Variants in CEP41 observed in about 807,000 individuals in gnomAD.
CEP41 encodes the protein centrosomal protein 41, also known as centrosomal protein of 41 kDa.
Under a neutral mutation model 44.3 loss-of-function variants are expected in CEP41, and 32 were observed. The observed-to-expected ratio is 0.72, with a 90% CI of 0.54 to 0.97. The LOEUF (loss-of-function observed/expected upper bound fraction) is 0.97. CEP41 is among the 50% of genes least tolerant of loss of function. CEP41 has a pLI of 0.00. For synonymous variants in CEP41, 151 were observed against 168.5 expected, an observed-to-expected ratio of 0.90 and a Z score of 0.80; for missense variants, 432 against 455.2, an observed-to-expected ratio of 0.95 and a Z score of 0.46.
upstream of CEP41, chr7:130,441,119 T>G: frequency 2.5e-6 from 2 of 806,692 alleles, no homozygotes; most frequent in Non-Finnish European, 4.2e-6. Flanking sequence ...CCCCGTTTAC[T>G]CTCTCATCTC....
chr7:130,414,023 T>C (rs568019016), intron 3 of CEP41, among the ~76,000 whole-genome samples: 13 of 152,352 alleles, frequency 8.5e-5, no homozygotes, highest in African/African-American at 3.1e-4. Context: ...TTAAGATTAT[T>C]TACCTGGTGT....
rs1554413500 is a variant in CEP41 at position 130,394,105 on chromosome 7, G to T, written c.*4786C>A. 1 of 454,110 alleles carries T rather than the reference G, an allele frequency of 2.2e-6. No homozygotes were observed. Among genetic ancestry groups the T allele is most frequent in the Non-Finnish European group, 4.4e-6 (1 of 226,794 alleles). 28.1% of individuals were successfully genotyped at this position (454,110 alleles called of 1,614,324 possible). On this transcript the variant is annotated 3_prime_UTR_variant, in exon 11 of 11. Coordinates refer to ENST00000223208, the MANE Select transcript of CEP41 (RefSeq NM_018718.3). Reference sequence around the variant, plus strand: ...AGGGAAGGGAAGCCAATAGCGAAGGGAAAGGTACATTTTCACGGTAAGTTA... The same window carrying T: ...AGGGAAGGGAAGCCAATAGCGAAGGTAAAGGTACATTTTCACGGTAAGTTA...
At chr7:130,439,941 T>G (rs1212691534) in intron 1 of CEP41, among the ~76,000 whole-genome samples, 1 of 152,204 alleles carries the variant, frequency 6.6e-6, no homozygotes, top group Non-Finnish European at 1.5e-5. Context: ...CTACCTATTT[T>G]CTCGTAACAT....
At chr7:130,401,522 C>T (rs142559392) in intron 8 of CEP41, among the ~76,000 whole-genome samples, 138 of 151,952 alleles carry the variant, frequency 9.1e-4, no homozygotes, top group African/African-American at 3.2e-3. Context: ...TTATTTTCTG[C>T]TTGTATAATT....
In CEP41 at chr7:130,440,911, TCCGGCCGAGACCTGGCCCTC is replaced by T; in HGVS notation, c.33+3_33+22del. The stretch of plus-strand genomic sequence containing the variant: ...CCGGTGCGCCCGCCCCCTCCGGCTC[TCCGGCCGAGACCTGGCCCTC>T]ACCTCAGGGTTCCCAATGTGCCTCC... On this transcript the variant is annotated splice_donor_5th_base_variant and intron_variant, in intron 1 of 10. Coordinates refer to ENST00000223208, the MANE Select transcript of CEP41 (RefSeq NM_018718.3). 1.9e-6 allele frequency: 3 copies of T among 1,610,330 alleles called. No homozygotes were observed. The highest frequency in any genetic ancestry group is 2.5e-6 in the Non-Finnish European group (3 of 1,179,898).
chr7:130,413,461 A>T (rs1488941408), intron 3 of CEP41, among the ~76,000 whole-genome samples: 1 of 152,034 alleles, frequency 6.6e-6, no homozygotes, highest in Non-Finnish European at 1.5e-5. Flanking sequence ...CACACCTGTA[A>T]TCCCAACTAC....
At chr7:130,423,210 AG>A (rs782085133) in intron 2 of CEP41, among the ~76,000 whole-genome samples, 99 of 152,328 alleles carry the variant, frequency 6.5e-4, no homozygotes, top group Middle Eastern at 3.4e-3. Context: ...GGCCTCCCAA[AG>A]TGCTGGGATT....
intron 6 of CEP41, 110 bp from the exon 7 acceptor site, chr7:130,402,909 C>A: frequency 8.6e-7 from 1 of 1,159,636 alleles, no homozygotes. Context: ...TTTCAAAGGA[C>A]GCTTCAAAGG....
chr7:130,425,995 G>A lies in CEP41; in HGVS notation c.97+1960C>T, dbSNP rs782176465. On this transcript the variant is annotated intron_variant, in intron 2 of 10. Transcript: ENST00000223208. The stretch of plus-strand genomic sequence containing the variant: ...GGTGATCGCAGGGGCTAAGGGGTGG[G>A]AGTAGAAAGTGGGTGTGGTTATAAA... Among the ~76,000 whole-genome samples the A allele has an allele frequency of 6.8e-4, 104 of 152,220 alleles. 1 individual carries two copies. The highest frequency in any genetic ancestry group is 2.2e-4 in the Non-Finnish European group (15 of 68,040).
intron 7 of CEP41, 40 bp from the exon 8 acceptor site, chr7:130,401,988 C>T (rs1481353274): frequency 7.2e-7 from 1 of 1,380,722 alleles, no homozygotes; most frequent in Non-Finnish European, 1.0e-6. Context: ...CTGTTGTTCT[C>T]TTAATACAAC....
chr7:130,421,830 G>A, intron 2 of CEP41: 1 of 1,385,508 alleles, frequency 7.2e-7, no homozygotes, highest in Non-Finnish European at 9.3e-7. Context: ...GGTTTGGAAA[G>A]TGTCCCTTAA....
chr7:130,425,526 A>C (rs573916985), intron 2 of CEP41, among the ~76,000 whole-genome samples: 1 of 152,392 alleles, frequency 6.6e-6, no homozygotes, highest in East Asian at 1.9e-4. Flanking sequence ...GATGTGGAGA[A>C]AATGAATCAT....
chr7:130,430,891 G>C (rs1438130586), intron 1 of CEP41, among the ~76,000 whole-genome samples: 1 of 152,104 alleles, frequency 6.6e-6, no homozygotes, highest in Non-Finnish European at 1.5e-5. Flanking sequence ...CCATACCTAA[G>C]CCAAAATAGC....
intron 5 of CEP41, among the ~76,000 whole-genome samples, chr7:130,409,930 C>T (rs573968416): frequency 6.6e-6 from 1 of 152,234 alleles, no homozygotes; most frequent in East Asian, 1.9e-4. Flanking sequence ...CAGGCTGCTC[C>T]TCAGCCTGCA....
chr7:130,414,398 G>A (rs1333403034), intron 3 of CEP41, among the ~76,000 whole-genome samples: 5 of 152,104 alleles, frequency 3.3e-5, no homozygotes, highest in African/African-American at 1.2e-4. Flanking sequence ...ACCAAAAGTC[G>A]TTTATGCAAA....
chr7:130,408,279 A>G (rs1281271211), intron 5 of CEP41, among the ~76,000 whole-genome samples: 1 of 152,206 alleles, frequency 6.6e-6, no homozygotes, highest in South Asian at 2.1e-4. Context: ...TTTTTACTTA[A>G]TATAGCCTGG....
chr7:130,439,348 A>AT (rs1554426953), intron 1 of CEP41, among the ~76,000 whole-genome samples: 1 of 66,100 alleles, frequency 1.5e-5, no homozygotes, highest in Non-Finnish European at 2.9e-5. Flanking sequence ...TTAGTAGTTA[A>AT]GTTTTTTTGC....
At chr7:130,401,844 C>A (rs1796852949) in intron 8 of CEP41, 37 bp downstream of exon 8, 1 of 1,353,966 alleles carries the variant, frequency 7.4e-7, no homozygotes, top group Non-Finnish European at 1.1e-6. Context: ...TTACAATCCT[C>A]ATACCACCCA....
chr7:130,428,016 A>T lies in CEP41; in HGVS notation c.36T>A (p.Tyr12Ter). The change falls in exon 2 of 11, where the codon TAT (tyrosine) becomes TAA (stop). Residue 12 changes from tyrosine (Y) to a stop codon, truncating the protein, a stop_gained and splice_region_variant. Coordinates refer to ENST00000223208, the MANE Select transcript of CEP41 (RefSeq NM_018718.3). LOFTEE classifies it high-confidence loss of function. The part of the protein sequence containing the change: ...SLRRHIGNPE[Y>*]LMKRIPQNPR... ...GGTTCTGTGGTATCCTTTTCATCAG[A>T]TACTAAAAAATAAGGAAATTCACAA... The T allele has an allele frequency of 6.3e-7, 1 of 1,589,700 alleles. No individual in the cohort carries two copies. The highest frequency in any genetic ancestry group is 8.6e-7 in the Non-Finnish European group (1 of 1,158,058).
Sources: allele counts gnomAD v4.1 joint callset (sites outside exome capture counted in the v4.1 genomes callset), GRCh38; gene constraint gnomAD v4.1.1; transcripts MANE v1.5; gene names NCBI Gene and HGNC (gene_info 2026-07-23, HGNC 2026-07-21).